CHN1: variants seen among roughly 807,000 people sequenced by gnomAD.
CHN1 encodes the protein N-chimaerin.
CHN1 carries 37 observed loss-of-function variants against 59.5 expected under a neutral mutation model. The ratio of observed to expected loss-of-function variants is 0.62; its 90% CI spans 0.48 to 0.82. CHN1 has a LOEUF of 0.82. CHN1 is among the 40% of genes least tolerant of loss of function. The pLI, the probability that CHN1 is intolerant of heterozygous loss-of-function variation, is 0.00. For synonymous variants in CHN1, 206 were observed against 200.4 expected (o/e 1.03, Z -0.24); for missense variants, 469 against 571.0 (o/e 0.82, Z 1.82).
chr2:174,922,878 T>G (rs1689053851), intron 3 of CHN1, among the ~76,000 whole-genome samples: 3 of 152,078 alleles, frequency 2.0e-5, no homozygotes, highest in Admixed American at 2.0e-4. Context: ...AAATATAAAT[T>G]ATGAAATAAC....
chr2:174,886,749 G>C (rs919631757), intron 5 of CHN1, among the ~76,000 whole-genome samples: 1 of 152,080 alleles, frequency 6.6e-6, no homozygotes, highest in African/African-American at 2.4e-5. Flanking sequence ...CCTAAATTTG[G>C]TCAAGTACAT....
At chr2:174,853,956 G>A (rs1414823905) in intron 6 of CHN1, among the ~76,000 whole-genome samples, 1 of 152,082 alleles carries the variant, frequency 6.6e-6, no homozygotes, top group African/African-American at 2.4e-5. Flanking sequence ...GAGAGGGTGG[G>A]ATGCATCTAA....
At chr2:174,994,865 C>T (rs1691656357) in intron 1 of CHN1, among the ~76,000 whole-genome samples, 1 of 151,650 alleles carries the variant, frequency 6.6e-6, no homozygotes, top group Admixed American at 6.6e-5. Flanking sequence ...TATATACAAG[C>T]TAGGGAATTT....
In CHN1 at chr2:174,964,865, C is replaced by G. The variant is rs144197633; in HGVS notation, c.20-12663G>C. Among the ~76,000 whole-genome samples the G allele has an allele frequency of 3.7e-3, 569 of 152,134 alleles. 4 individuals carry two copies. The highest frequency in any genetic ancestry group is 0.013 in the African/African-American group (545 of 41,510). On this transcript the variant is annotated intron_variant, in intron 1 of 12. Transcript: ENST00000409900. Reference sequence around the variant, plus strand: ...TTTATGAAAAGCGATTCCAATTTTTCTTGCTTTTTTAAACTCAAAGGTATA... The same window carrying G: ...TTTATGAAAAGCGATTCCAATTTTTGTTGCTTTTTTAAACTCAAAGGTATA...
intron 3 of CHN1, among the ~76,000 whole-genome samples, chr2:174,939,365 C>A (rs1217176398): frequency 6.6e-6 from 1 of 152,172 alleles, no homozygotes; most frequent in Non-Finnish European, 1.5e-5. Context: ...AAAACTGGAT[C>A]ATACTGGCCT....
intron 1 of CHN1, among the ~76,000 whole-genome samples, chr2:174,966,814 C>T (rs1690608058): frequency 6.6e-6 from 1 of 152,144 alleles, no homozygotes; most frequent in Non-Finnish European, 1.5e-5. Context: ...CTCAGACAGG[C>T]CTGTTTACCT....
chr2:174,987,560 A>G (rs982233025), intron 1 of CHN1, among the ~76,000 whole-genome samples: 1 of 151,882 alleles, frequency 6.6e-6, no homozygotes, highest in Non-Finnish European at 1.5e-5. Flanking sequence ...AGCGCCTACC[A>G]CCACTAATTT....
chr2:174,842,222 A>C (rs2105428420), intron 7 of CHN1, among the ~76,000 whole-genome samples: 1 of 152,328 alleles, frequency 6.6e-6, no homozygotes. Flanking sequence ...GGAAAGGGCA[A>C]GGAAGAATGG....
chr2:174,962,668 G>T lies in CHN1; in HGVS notation c.20-10466C>A, dbSNP rs951635767. The stretch of plus-strand genomic sequence containing the variant: ...TCCCAGCACTTTGGAAGGCCCGGGG[G>T]GGGGGGGGGGGGGGGCAGATCACCT... On this transcript the variant is annotated intron_variant, in intron 1 of 12. Coordinates refer to ENST00000409900, the MANE Select transcript of CHN1 (RefSeq NM_001822.7). 3.9e-5 allele frequency among the ~76,000 whole-genome samples: 3 copies of T among 76,926 alleles called. 1 individual carries two copies. Among genetic ancestry groups the T allele is most frequent in the East Asian group, 1.1e-3 (2 of 1,866 alleles). 50.5% of individuals were successfully genotyped at this position (76,926 alleles called of 152,430 possible). A position where few individuals can be genotyped will look rare whatever the true frequency, so the allele number is the denominator to read the frequency against.
At chr2:174,824,345 C>T in intron 8 of CHN1, 89 bp downstream of exon 8, 1 of 951,690 alleles carries the variant, frequency 1.1e-6, no homozygotes, top group Non-Finnish European at 1.5e-6. Context: ...ATCCAGCCTA[C>T]TGGATATGCA....
rs1275262993 is a variant in CHN1, at chr2:174,814,105, ACT to A, written c.713-1625_713-1624del. Among the ~76,000 whole-genome samples the A allele has an allele frequency of 1.8e-4, 28 of 152,274 alleles. No individual in the cohort carries two copies. In the South Asian group the frequency reaches 5.8e-3, roughly 32 times the overall value. On this transcript the variant is annotated intron_variant, in intron 8 of 12. Coordinates refer to ENST00000409900, the MANE Select transcript of CHN1 (RefSeq NM_001822.7). ...AAATAAGAACTTAAGGCCTGTGGCA[ACT>A]CTCGGGAAAGAATTCATATGAACTG... is the stretch of plus-strand genomic sequence containing the variant.
At chr2:174,902,444 C>T (rs1688415623) in intron 5 of CHN1, among the ~76,000 whole-genome samples, 1 of 151,946 alleles carries the variant, frequency 6.6e-6, no homozygotes, top group South Asian at 2.1e-4. Flanking sequence ...ATTGTGCTAT[C>T]CCCTTCATCA....
intron 5 of CHN1, among the ~76,000 whole-genome samples, chr2:174,913,834 A>C (rs1268724100): frequency 2.0e-5 from 3 of 152,238 alleles, no homozygotes; most frequent in Non-Finnish European, 2.9e-5. Context: ...CTAAACATTA[A>C]CATCAACTTT....
At chr2:174,973,240 A>ATTTTTT in intron 1 of CHN1, among the ~76,000 whole-genome samples, 1 of 152,220 alleles carries the variant, frequency 6.6e-6, no homozygotes, top group Non-Finnish European at 1.5e-5. Context: ...GCTTCAACAT[A>ATTTTTT]TGATATGCAG....
At chr2:174,923,281 C>T (rs1288193284) in intron 3 of CHN1, among the ~76,000 whole-genome samples, 1 of 152,124 alleles carries the variant, frequency 6.6e-6, no homozygotes, top group African/African-American at 2.4e-5. Context: ...GCTGGGACTA[C>T]AGGCGCCCGC....
intron 1 of CHN1, among the ~76,000 whole-genome samples, chr2:174,990,070 A>T (rs955981381): frequency 1.3e-5 from 2 of 152,118 alleles, no homozygotes; most frequent in Non-Finnish European, 2.9e-5. Flanking sequence ...TAAAAGAAGA[A>T]GTTTTGATTA....
At chr2:174,923,382 C>T (rs1300576862) in intron 3 of CHN1, among the ~76,000 whole-genome samples, 2 of 152,154 alleles carry the variant, frequency 1.3e-5, no homozygotes, top group East Asian at 1.9e-4. Flanking sequence ...CCTTGTGATC[C>T]ACCCACCTCG....
At chr2:174,816,334 G>C (rs1291769076) in intron 8 of CHN1, among the ~76,000 whole-genome samples, 2 of 152,218 alleles carry the variant, frequency 1.3e-5, no homozygotes, top group African/African-American at 4.8e-5. Context: ...TTGCAGCAGA[G>C]TGCACCACTG....
intron 6 of CHN1, among the ~76,000 whole-genome samples, chr2:174,852,599 C>CA (rs1220329822): frequency 6.6e-6 from 1 of 151,768 alleles, no homozygotes; most frequent in East Asian, 1.9e-4. Context: ...CATATGAAAC[C>CA]AAAAAAAGAG....
Sources: gnomAD v4.1 joint callset for allele counts (sites outside exome capture counted in the v4.1 genomes callset) on GRCh38, gnomAD v4.1.1 for gene constraint, MANE v1.5 for transcripts, NCBI Gene and HGNC (gene_info 2026-07-23, HGNC 2026-07-21) for gene names.